The following SNX25 variants were observed in gnomAD, a reference collection of about 807,000 sequenced individuals.
The protein encoded by SNX25 is sorting nexin-25.
Under a neutral mutation model 113.7 loss-of-function variants are expected in SNX25, and 62 were observed. The ratio of observed to expected loss-of-function variants is 0.55; its 90% CI spans 0.44 to 0.67. The LOEUF is 0.67. Ranked by LOEUF, SNX25 falls within the 30% of genes least tolerant of loss-of-function variation. SNX25 has a pLI of 0.00. For synonymous variants in SNX25, 421 were observed against 436.2 expected, an observed-to-expected ratio of 0.97 and a Z score of 0.43; for missense variants, 1,014 against 1,161.0, an observed-to-expected ratio of 0.87 and a Z score of 1.84.
chr4:185,320,453 A>G (rs906635455), intron 7 of SNX25, among the ~76,000 whole-genome samples: 1 of 152,106 alleles, frequency 6.6e-6, no homozygotes, highest in Admixed American at 6.6e-5. Context: ...AGGGAGGGGA[A>G]CAACACACAC....
intron 5 of SNX25, among the ~76,000 whole-genome samples, chr4:185,267,537 C>T (rs1748298572): frequency 6.6e-6 from 1 of 151,974 alleles, no homozygotes; most frequent in African/African-American, 2.4e-5. Context: ...TCAAGACCAG[C>T]GCGGCCAACA....
intron 3 of SNX25, among the ~76,000 whole-genome samples, chr4:185,259,322 G>A (rs1746907051): frequency 6.6e-6 from 1 of 151,856 alleles, no homozygotes; most frequent in Non-Finnish European, 1.5e-5. Context: ...GCACTGTGAT[G>A]ATCTTATAGT....
chr4:185,346,846 G>A (rs1039966515), intron 13 of SNX25, among the ~76,000 whole-genome samples, 196 bp downstream of exon 13: 2 of 151,972 alleles, frequency 1.3e-5, no homozygotes, highest in African/African-American at 2.4e-5. Context: ...AACTGTCTCC[G>A]TTTCACAAAC....
At position 185,248,543 on chromosome 4, in the gene SNX25, T is replaced by C. The variant is rs956515696; in HGVS notation, c.514+1165T>C. Among the ~76,000 whole-genome samples, 7 of 152,184 alleles carry C rather than the reference T, an allele frequency of 4.6e-5. No individual in the cohort carries two copies. In the South Asian group the frequency reaches 1.5e-3, roughly 32 times the overall value. ...GGCACATGCCTGTAGTCCTAGCTCC[T>C]TGGGAGGCTGAAGTGGGAGAATTGC... On this transcript the variant is annotated intron_variant, in intron 2 of 18. Coordinates refer to ENST00000652585, the MANE Select transcript of SNX25 (RefSeq NM_001378034.2).
At chr4:185,332,867 T>C in intron 10 of SNX25, 108 bp downstream of exon 10, 2 of 1,134,216 alleles carry the variant, frequency 1.8e-6, no homozygotes, top group African/African-American at 3.1e-5. Flanking sequence ...ATTTTAACCA[T>C]GAACAAGTTC....
chr4:185,346,485 A>T, intron 12 of SNX25, 52 bp from the exon 13 acceptor site: 1 of 1,188,592 alleles, frequency 8.4e-7, no homozygotes, highest in Non-Finnish European at 1.2e-6. Context: ...AATCTTTTTT[A>T]AGATTAAAAT....
At chr4:185,303,482 AC>A (rs1478219115) in intron 6 of SNX25, among the ~76,000 whole-genome samples, 7 of 151,466 alleles carry the variant, frequency 4.6e-5, no homozygotes, top group Admixed American at 4.6e-4. Flanking sequence ...ACGCAGTGAA[AC>A]CCCGTCTCTA....
rs902827221 is a variant in SNX25 at position 185,346,669 on chromosome 4, T to C, written c.2301+19T>C. On this transcript the variant is annotated intron_variant, in intron 13 of 18. Transcript: ENST00000652585. ...TTTACAGGTAAGCAAGTGAAAAATG[T>C]GGGATATGAGAGAAAAAATTAGTTA... 1.3e-6 allele frequency: 2 copies of C among 1,484,704 alleles called. No homozygotes were observed. The highest frequency in any genetic ancestry group is 3.5e-4 in the Middle Eastern group (2 of 5,734). 92.0% of individuals were successfully genotyped at this position (1,484,704 alleles called of 1,614,324 possible). A position where few individuals can be genotyped will look rare whatever the true frequency, so the allele number is the denominator to read the frequency against.
At chr4:185,360,307 G>A (rs779651232) in intron 16 of SNX25, among the ~76,000 whole-genome samples, 5 of 152,162 alleles carry the variant, frequency 3.3e-5, no homozygotes, top group East Asian at 1.9e-4. Context: ...TAGGAGATAC[G>A]CAGTTATAGA....
upstream of SNX25, among the ~76,000 whole-genome samples, chr4:185,205,611 C>T (rs910072367): frequency 1.1e-4 from 17 of 152,146 alleles, no homozygotes; most frequent in Non-Finnish European, 2.2e-4. Flanking sequence ...GGCGGATCAC[C>T]TGAGGTCAGG....
At chr4:185,205,327 G>A (rs1431321442), upstream of SNX25, among the ~76,000 whole-genome samples, 1 of 152,078 alleles carries the variant, frequency 6.6e-6, no homozygotes, top group African/African-American at 2.4e-5. Flanking sequence ...GGTGACGTGA[G>A]CCTGTAGTCC....
At chr4:185,205,983 C>G (rs142689981), upstream of SNX25, among the ~76,000 whole-genome samples, 3 of 152,070 alleles carry the variant, frequency 2.0e-5, no homozygotes, top group Admixed American at 6.6e-5. Context: ...AATGAGATAC[C>G]GATGGCTTTA....
chr4:185,259,741 T>C (rs1026694194), intron 3 of SNX25, among the ~76,000 whole-genome samples: 3 of 152,206 alleles, frequency 2.0e-5, no homozygotes, highest in African/African-American at 7.2e-5. Flanking sequence ...TGAGTAGCCT[T>C]CTGCCTGTGT....
intron 5 of SNX25, among the ~76,000 whole-genome samples, chr4:185,272,140 C>G (rs2126564016): frequency 6.6e-6 from 1 of 152,298 alleles, no homozygotes; most frequent in African/African-American, 2.4e-5. Context: ...GTGACTGACT[C>G]TGCTAATAGC....
chr4:185,287,913 T>C lies in SNX25; in HGVS notation c.1092-99T>C. On this transcript the variant is annotated intron_variant, in intron 5 of 18. Transcript: ENST00000652585. Reference sequence around the variant, plus strand: ...AGCCTTGGGCAGGATTCACAGCTCCTGTGTTACATTTGTTTAGTATAAATA... The same window carrying C: ...AGCCTTGGGCAGGATTCACAGCTCCCGTGTTACATTTGTTTAGTATAAATA... The C allele has an allele frequency of 3.2e-6, 3 of 937,646 alleles. No individual in the cohort carries two copies. The South Asian group carries it at 5.3e-5, about 16-fold the overall frequency. 58.1% of individuals were successfully genotyped at this position (937,646 alleles called of 1,614,324 possible).
chr4:185,341,897 A>AG (rs1339036132), intron 11 of SNX25, 79 bp from the exon 12 acceptor site: 1 of 1,464,480 alleles, frequency 6.8e-7, no homozygotes, highest in Non-Finnish European at 9.2e-7. Flanking sequence ...AAATCTCCTT[A>AG]GGGGGACACT....
intron 9 of SNX25, 72 bp downstream of exon 9, chr4:185,323,872 G>A: frequency 3.3e-6 from 5 of 1,519,602 alleles, no homozygotes; most frequent in African/African-American, 1.4e-5. Context: ...GGTGCATATT[G>A]TGTGAGCCAA....
At chr4:185,332,400 CA>C (rs2095201796) in intron 9 of SNX25, among the ~76,000 whole-genome samples, 194 bp from the exon 10 acceptor site, 2 of 152,154 alleles carry the variant, frequency 1.3e-5, no homozygotes, top group Admixed American at 1.3e-4. Context: ...TTCCGTTTTG[CA>C]ATTCTGAACG....
chr4:185,339,926 A>G (rs1035172407), intron 11 of SNX25, among the ~76,000 whole-genome samples: 9 of 152,214 alleles, frequency 5.9e-5, no homozygotes, highest in East Asian at 3.8e-4. Flanking sequence ...AAAATCTTCA[A>G]TGAATATGTT....
Sources: allele counts gnomAD v4.1 joint callset (sites outside exome capture counted in the v4.1 genomes callset), GRCh38; gene constraint gnomAD v4.1.1; transcripts MANE v1.5; gene names NCBI Gene and HGNC (gene_info 2026-07-23, HGNC 2026-07-21).